Variants in CDH10 observed in about 807,000 individuals in gnomAD.
The protein encoded by CDH10 is cadherin 10.
In CDH10, 30 loss-of-function variants were observed where a neutral mutation model predicts 73.1. The ratio of observed to expected loss-of-function variants is 0.41; its 90% CI spans 0.31 to 0.56. CDH10 has a LOEUF of 0.56. CDH10 is among the 20% of genes least tolerant of loss of function. The pLI is 0.27. For missense variants in CDH10, 815 were observed against 973.7 expected (o/e 0.84, Z 2.17); for synonymous variants, 345 against 348.2 (o/e 0.99, Z 0.10).
rs200365693 is a variant in CDH10, at chr5:24,545,647, A to AT, written c.232-7974dup. ...CTAGGCAACACAGACTCCTCTCTAC[A>AT]TTTTTTTTTCTTTTAATTAGCCAGT... On this transcript the variant is annotated intron_variant, in intron 2 of 11. Coordinates refer to ENST00000264463, the MANE Select transcript of CDH10 (RefSeq NM_006727.5). Among the ~76,000 whole-genome samples the AT allele has an allele frequency of 6.8e-4, 102 of 150,084 alleles. 1 individual carries two copies. In the East Asian group the frequency reaches 0.016, roughly 23 times the overall value.
chr5:24,639,462 TA>T (rs1206276866), intron 1 of CDH10, among the ~76,000 whole-genome samples: 1 of 151,754 alleles, frequency 6.6e-6, no homozygotes, highest in African/African-American at 2.4e-5. Context: ...TTCTTGTATT[TA>T]TACATATTAC....
intron 2 of CDH10, among the ~76,000 whole-genome samples, chr5:24,564,826 G>T (rs2112002170): frequency 6.6e-6 from 1 of 152,184 alleles, no homozygotes; most frequent in East Asian, 1.9e-4. Context: ...CCTCTCTCAG[G>T]ATACTTCATC....
At chr5:24,584,180 C>A (rs1341359887) in intron 2 of CDH10, among the ~76,000 whole-genome samples, 1 of 152,086 alleles carries the variant, frequency 6.6e-6, no homozygotes, top group Non-Finnish European at 1.5e-5. Flanking sequence ...TATCAGGCTA[C>A]ATCAAGTTTC....
chr5:24,513,487 C>T (rs1048992941), intron 5 of CDH10, among the ~76,000 whole-genome samples: 11 of 152,144 alleles, frequency 7.2e-5, no homozygotes, highest in Non-Finnish European at 1.3e-4. Flanking sequence ...AGCCAGCAGA[C>T]ACCTTGTTCT....
chr5:24,533,173 A>T lies in CDH10; in HGVS notation c.814+1939T>A, dbSNP rs552315954. ...GAAACCTTGTCTCTATTAAAATTAC[A>T]AAAATTATTTGGGCATGGTGGCATG... is the stretch of plus-strand genomic sequence containing the variant. On this transcript the variant is annotated intron_variant, in intron 5 of 11. Coordinates refer to ENST00000264463, the MANE Select transcript of CDH10 (RefSeq NM_006727.5). 4.6e-5 allele frequency among the ~76,000 whole-genome samples: 7 copies of T among 152,148 alleles called. No homozygotes were observed. In the South Asian group the frequency reaches 1.0e-3, roughly 23 times the overall value.
intron 1 of CDH10, among the ~76,000 whole-genome samples, chr5:24,625,364 A>G (rs1447247582): frequency 6.6e-6 from 1 of 151,960 alleles, no homozygotes; most frequent in Non-Finnish European, 1.5e-5. Flanking sequence ...TGAACTAAAT[A>G]GCAAGAGTAG....
chr5:24,516,735 C>G (rs1319931391), intron 5 of CDH10, among the ~76,000 whole-genome samples: 2 of 151,606 alleles, frequency 1.3e-5, no homozygotes, highest in African/African-American at 2.4e-5. Flanking sequence ...TTCATCATTC[C>G]TTCAGCAAGC....
At chr5:24,506,129 A>C (rs1253503169) in intron 7 of CDH10, among the ~76,000 whole-genome samples, 1 of 150,994 alleles carries the variant, frequency 6.6e-6, no homozygotes, top group East Asian at 1.9e-4. Context: ...AAAAAAAAAA[A>C]GGAAAAGAAA....
chr5:24,580,084 T>C (rs1017100856), intron 2 of CDH10, among the ~76,000 whole-genome samples: 1 of 152,116 alleles, frequency 6.6e-6, no homozygotes, highest in African/African-American at 2.4e-5. Flanking sequence ...ACTCCATATA[T>C]AATACTTGAG....
intron 1 of CDH10, among the ~76,000 whole-genome samples, chr5:24,630,510 G>GCCA (rs564830396): frequency 2.7e-5 from 4 of 149,412 alleles, no homozygotes; most frequent in Non-Finnish European, 5.9e-5. Context: ...CTGAGATTGT[G>GCCA]CCACGGCACT....
intron 2 of CDH10, among the ~76,000 whole-genome samples, chr5:24,584,049 C>G (rs977621395): frequency 1.8e-4 from 28 of 152,092 alleles, no homozygotes; most frequent in African/African-American, 6.8e-4. Context: ...ATTCTTACCA[C>G]TAGAAAACTT....
intron 5 of CDH10, among the ~76,000 whole-genome samples, chr5:24,516,944 T>C (rs1018051502): frequency 6.6e-6 from 1 of 151,978 alleles, no homozygotes; most frequent in Admixed American, 6.6e-5. Flanking sequence ...TGTCAAAATA[T>C]GTACATGAAA....
intron 2 of CDH10, among the ~76,000 whole-genome samples, chr5:24,569,282 C>G (rs1745279623): frequency 6.6e-6 from 1 of 151,966 alleles, no homozygotes; most frequent in African/African-American, 2.4e-5. Flanking sequence ...TAATTTGTAT[C>G]ATTTGAAATG....
Position 24,488,137 on chromosome 5 carries a change from A to T in CDH10, c.1893T>A (p.Phe631Leu). The change falls in exon 12 of 12, where the codon TTT becomes TTA. Residue 631 changes from phenylalanine (F) to leucine (L), a missense_variant. This residue lies in a region of CDH10 where 241 missense variants were observed against 240.3 expected (regional missense o/e 1.00). Transcript: ENST00000264463. ...IIILLVIVVLFAALKRQRKKE... is the reference protein window; with the variant it reads ...IIILLVIVVLLAALKRQRKKE... ...TTTTTCGCTGTCTTTTCAGAGCTGC[A>T]AACAGTACTACTATAACTTGAAAAA... is the stretch of plus-strand genomic sequence containing the variant. 1.2e-6 allele frequency: 2 copies of T among 1,611,158 alleles called. No individual in the cohort carries two copies. Among genetic ancestry groups the T allele is most frequent in the Non-Finnish European group, 1.7e-6 (2 of 1,178,798 alleles).
intron 6 of CDH10, among the ~76,000 whole-genome samples, chr5:24,510,736 A>G (rs1355687311): frequency 6.6e-6 from 1 of 152,182 alleles, no homozygotes; most frequent in Non-Finnish European, 1.5e-5. Flanking sequence ...TTTCATTAGG[A>G]CCTAAAGTTT....
chr5:24,608,502 AG>A (rs1311104736), intron 1 of CDH10, among the ~76,000 whole-genome samples: 1 of 152,140 alleles, frequency 6.6e-6, no homozygotes, highest in Non-Finnish European at 1.5e-5. Context: ...CATGTTGGCC[AG>A]GATGGTCTCA....
At chr5:24,518,342 C>T (rs73067130) in intron 5 of CDH10, among the ~76,000 whole-genome samples, 9,319 of 152,088 alleles carry the variant, frequency 0.061, 566 homozygotes, top group African/African-American at 0.16. Context: ...TAGAACAACA[C>T]ATCAAACGCA....
chr5:24,526,615 AC>A (rs970740510), intron 5 of CDH10, among the ~76,000 whole-genome samples: 2 of 151,742 alleles, frequency 1.3e-5, no homozygotes, highest in Non-Finnish European at 2.9e-5. Context: ...TTACCTTTTA[AC>A]CCTCAAACCT....
intron 2 of CDH10, among the ~76,000 whole-genome samples, chr5:24,564,036 G>A (rs1221163768): frequency 6.6e-6 from 1 of 152,086 alleles, no homozygotes; most frequent in Non-Finnish European, 1.5e-5. Flanking sequence ...AGTTTATCTT[G>A]TACATACAGT....
Sources: allele counts gnomAD v4.1 joint callset (sites outside exome capture counted in the v4.1 genomes callset), GRCh38; gene constraint gnomAD v4.1.1; regional missense constraint gnomAD v4.1.1; transcripts MANE v1.5; gene names NCBI Gene and HGNC (gene_info 2026-07-23, HGNC 2026-07-21).